HECW1: variants seen among roughly 807,000 people sequenced by gnomAD.
HECW1 encodes the protein HECT, C2 and WW domain containing E3 ubiquitin protein ligase 1.
In HECW1, 61 loss-of-function variants were observed where a neutral mutation model predicts 182.3. The observed-to-expected ratio is 0.33, with a 90% CI of 0.27 to 0.41. HECW1 has a LOEUF of 0.41. Among genes scored for constraint, HECW1 ranks in the 10% least tolerant of loss-of-function variants. HECW1 has a pLI of 1.00. For synonymous variants in HECW1, 859 were observed against 832.6 expected (o/e 1.03, Z -0.55); for missense variants, 1,739 against 2,108.9 (o/e 0.82, Z 3.44).
intron 2 of HECW1, among the ~76,000 whole-genome samples, chr7:43,174,984 C>G (rs1286774860): frequency 6.6e-6 from 1 of 152,134 alleles, no homozygotes; most frequent in Non-Finnish European, 1.5e-5. Context: ...ATTAATAAAA[C>G]AAACACATCT....
chr7:43,252,220 T>C (rs1280499484), intron 3 of HECW1, among the ~76,000 whole-genome samples: 1 of 152,238 alleles, frequency 6.6e-6, no homozygotes, highest in African/African-American at 2.4e-5. Context: ...CTTCCCCTGC[T>C]ACGTGGGTCT....
At position 43,215,246 on chromosome 7, in the gene HECW1, C is replaced by T. The variant is rs528689438; in HGVS notation, c.-31-28629C>T. Among the ~76,000 whole-genome samples, 91 of 152,316 alleles carry T rather than the reference C, an allele frequency of 6.0e-4. 1 individual carries two copies. The highest frequency in any genetic ancestry group is 2.0e-3 in the African/African-American group (82 of 41,564). Reference sequence around the variant, plus strand: ...ACTCCTGGAGAGCCCTTGCTGTGCCCGCATTAACCCTTTAGCTGCTGCACC... The same window carrying T: ...ACTCCTGGAGAGCCCTTGCTGTGCCTGCATTAACCCTTTAGCTGCTGCACC... On this transcript the variant is annotated intron_variant, in intron 2 of 29. Coordinates refer to ENST00000395891, the MANE Select transcript of HECW1 (RefSeq NM_015052.5).
intron 26 of HECW1, 151 bp from the exon 27 acceptor site, chr7:43,550,294 T>C (rs1005166833): frequency 1.2e-5 from 10 of 816,352 alleles, no homozygotes; most frequent in African/African-American, 1.2e-4. Flanking sequence ...TTTAGTGACC[T>C]TTAGCAAGGA....
At chr7:43,174,633 C>T (rs1054066562) in intron 2 of HECW1, among the ~76,000 whole-genome samples, 1 of 152,188 alleles carries the variant, frequency 6.6e-6, no homozygotes, top group Admixed American at 6.5e-5. Context: ...CTCTCCTTCG[C>T]ACTCAATCTT....
intron 2 of HECW1, among the ~76,000 whole-genome samples, chr7:43,183,396 G>T (rs7787227): frequency 6.6e-6 from 1 of 151,730 alleles, no homozygotes; most frequent in Non-Finnish European, 1.5e-5. Flanking sequence ...AACATCCTCC[G>T]CCCTCAATAC....
intron 6 of HECW1, among the ~76,000 whole-genome samples, chr7:43,366,217 T>TA (rs1167414841): frequency 1.2e-4 from 18 of 150,934 alleles, no homozygotes; most frequent in East Asian, 5.8e-4. Context: ...ACTATTCTCT[T>TA]AAAAAAAAAG....
chr7:43,543,050 TTCCC>T (rs2081420372), intron 26 of HECW1, among the ~76,000 whole-genome samples: 1 of 152,220 alleles, frequency 6.6e-6, no homozygotes, highest in Non-Finnish European at 1.5e-5. Flanking sequence ...AAGATAAAGT[TTCCC>T]ATTTGTTTTC....
chr7:43,311,917 T>A lies in HECW1; in HGVS notation c.182T>A (p.Val61Asp). The change falls in exon 4 of 30, where the codon GTC (valine) becomes GAC (aspartate). Residue 61 changes from valine to aspartate, a missense_variant. Physicochemically the swap from Val to Asp is radical, Grantham distance 152. This residue lies in a region of HECW1 where 279 missense variants were observed against 353.1 expected (regional missense o/e 0.79). Coordinates refer to ENST00000395891, the MANE Select transcript of HECW1 (RefSeq NM_015052.5). ...MDLRGGPHDG[V>D]TIPRSTSDTD... ...CTCAGGGGCGGCCCCCACGATGGCG[T>A]CACCATTCCCCGCTCCACCAGCGAC... The A allele has an allele frequency of 2.5e-6, 4 of 1,614,140 alleles. No homozygotes were observed. Among genetic ancestry groups the A allele is most frequent in the Non-Finnish European group, 3.4e-6 (4 of 1,180,030 alleles).
At chr7:43,520,251 C>T (rs936342249) in intron 24 of HECW1, among the ~76,000 whole-genome samples, 1 of 152,050 alleles carries the variant, frequency 6.6e-6, no homozygotes, top group Non-Finnish European at 1.5e-5. Flanking sequence ...GGGTCTCTTC[C>T]CTTCTTTATC....
intron 8 of HECW1, among the ~76,000 whole-genome samples, chr7:43,435,963 G>T (rs769426942): frequency 6.6e-5 from 10 of 152,148 alleles, no homozygotes; most frequent in African/African-American, 1.9e-4. Context: ...AGGAGATGGA[G>T]ACCATCCTGG....
intron 15 of HECW1, among the ~76,000 whole-genome samples, chr7:43,468,525 C>CT (rs141068199): frequency 0.012 from 1,724 of 145,538 alleles, 32 homozygotes; most frequent in African/African-American, 0.031. Flanking sequence ...TGCACATTCA[C>CT]TTTTTTTTTT....
chr7:43,346,867 C>T (rs1172304113), intron 5 of HECW1, among the ~76,000 whole-genome samples: 3 of 152,086 alleles, frequency 2.0e-5, no homozygotes, highest in Non-Finnish European at 4.4e-5. Flanking sequence ...ATTTTTATAC[C>T]AGTACCATGC....
intron 5 of HECW1, among the ~76,000 whole-genome samples, chr7:43,351,963 A>G (rs1271347100): frequency 6.6e-6 from 1 of 152,174 alleles, no homozygotes; most frequent in Non-Finnish European, 1.5e-5. Flanking sequence ...TCGTAAGGGA[A>G]TTACCAGAGC....
chr7:43,478,440 T>C (rs890609467), intron 16 of HECW1, among the ~76,000 whole-genome samples: 7 of 152,102 alleles, frequency 4.6e-5, no homozygotes, highest in Admixed American at 1.3e-4. Context: ...AAAGTGTTCA[T>C]TGAAGCATTA....
chr7:43,266,616 G>A (rs1270956427), intron 3 of HECW1, among the ~76,000 whole-genome samples: 2 of 152,192 alleles, frequency 1.3e-5, no homozygotes, highest in East Asian at 3.8e-4. Flanking sequence ...TTACAGGCGT[G>A]AGCCACCGTG....
At chr7:43,350,448 C>T (rs1360165809) in intron 5 of HECW1, among the ~76,000 whole-genome samples, 1 of 152,112 alleles carries the variant, frequency 6.6e-6, no homozygotes, top group East Asian at 1.9e-4. Flanking sequence ...AATTATTCCC[C>T]CAAATGTTTT....
chr7:43,170,992 CTG>C lies in HECW1; in HGVS notation c.-32+56603_-32+56604del, dbSNP rs746227701. 7.2e-5 allele frequency among the ~76,000 whole-genome samples: 11 copies of C among 152,284 alleles called. No individual in the cohort carries two copies. In the East Asian group the frequency reaches 2.1e-3, roughly 29 times the overall value. ...TGTCCTTGAGCTAGAGAAAGTGACACTGTTGTGGATCAGTCGCATTTTCGCTT... is the reference window on the plus strand; with the variant it reads ...TGTCCTTGAGCTAGAGAAAGTGACACTTGTGGATCAGTCGCATTTTCGCTT... On this transcript the variant is annotated intron_variant, in intron 2 of 29. Coordinates refer to ENST00000395891, the MANE Select transcript of HECW1 (RefSeq NM_015052.5).
intron 17 of HECW1, among the ~76,000 whole-genome samples, chr7:43,485,216 A>G (rs1252926486): frequency 6.6e-6 from 1 of 152,156 alleles, no homozygotes; most frequent in Non-Finnish European, 1.5e-5. Flanking sequence ...CATTCTTTGC[A>G]GTGAGCTTCT....
In HECW1 at chr7:43,383,484, G is replaced by A. The variant is rs549305167; in HGVS notation, c.556-13330G>A. 6.6e-5 allele frequency among the ~76,000 whole-genome samples: 10 copies of A among 152,238 alleles called. No individual in the cohort carries two copies. The East Asian group carries it at 1.7e-3, about 26-fold the overall frequency. On this transcript the variant is annotated intron_variant, in intron 6 of 29. Transcript: ENST00000395891. ...TTTAATAATTGCCATTCTAACTGGC[G>A]TGAAATGGCATCTCATTGTGGTTTT...
Sources: allele counts gnomAD v4.1 joint callset (sites outside exome capture counted in the v4.1 genomes callset), GRCh38; gene constraint gnomAD v4.1.1; regional missense constraint gnomAD v4.1.1; transcripts MANE v1.5; gene names NCBI Gene and HGNC (gene_info 2026-07-23, HGNC 2026-07-21).